KDM2B: variants seen among roughly 807,000 people sequenced by gnomAD.
The protein encoded by KDM2B is lysine-specific demethylase 2B.
A neutral mutation model predicts 150.0 loss-of-function variants in KDM2B; 26 were observed. The observed-to-expected ratio is 0.17, with a 90% CI of 0.13 to 0.24. The LOEUF is 0.24. KDM2B is among the 10% of genes least tolerant of loss of function. The probability of loss-of-function intolerance (pLI) is 1.00; values close to 1 mark genes in which losing one functional copy is unlikely to be tolerated. For missense variants in KDM2B, 1,265 were observed against 1,816.9 expected (o/e 0.70, Z 5.52); for synonymous variants, 734 against 729.5 (o/e 1.01, Z -0.10).
At chr12:121,445,744 G>A (rs1299966837) in intron 13 of KDM2B, among the ~76,000 whole-genome samples, 1 of 152,168 alleles carries the variant, frequency 6.6e-6, no homozygotes, top group Non-Finnish European at 1.5e-5. Context: ...AAAATTAGAG[G>A]GCTGGAGTGA....
At chr12:121,563,422 T>C (rs1456903852) in intron 4 of KDM2B, among the ~76,000 whole-genome samples, 15 of 135,456 alleles carry the variant, frequency 1.1e-4, no homozygotes, top group South Asian at 2.4e-4. Flanking sequence ...GCCTGGCCAA[T>C]ATGGTGAAAC....
At chr12:121,488,506 C>T (rs1883012308) in intron 12 of KDM2B, among the ~76,000 whole-genome samples, 1 of 152,192 alleles carries the variant, frequency 6.6e-6, no homozygotes, top group Non-Finnish European at 1.5e-5. Flanking sequence ...CAAGACAACA[C>T]AGCTAGTCAG....
chr12:121,456,003 C>A (rs1269304406), intron 12 of KDM2B, among the ~76,000 whole-genome samples: 4 of 152,252 alleles, frequency 2.6e-5, no homozygotes, highest in Non-Finnish European at 4.4e-5. Flanking sequence ...CGCGTGAGGG[C>A]AGGGATTCCC....
At chr12:121,461,503 G>A (rs1555293764) in intron 12 of KDM2B, among the ~76,000 whole-genome samples, 1 of 152,194 alleles carries the variant, frequency 6.6e-6, no homozygotes, top group Non-Finnish European at 1.5e-5. Flanking sequence ...AAGGAATGAA[G>A]AGGAGGGGAT....
At chr12:121,505,193 C>G (rs574291819) in intron 11 of KDM2B, among the ~76,000 whole-genome samples, 1 of 142,962 alleles carries the variant, frequency 7.0e-6, no homozygotes, top group Non-Finnish European at 1.5e-5. Context: ...GGCTGAGGCA[C>G]GAGAATCGCT....
intron 4 of KDM2B, among the ~76,000 whole-genome samples, chr12:121,552,691 A>C (rs1440242586): frequency 2.6e-5 from 4 of 151,136 alleles, no homozygotes; most frequent in Non-Finnish European, 5.9e-5. Flanking sequence ...AAAAAAAAAA[A>C]AAAGATTCCA....
chr12:121,426,284 G>A (rs1209754316), downstream of KDM2B, among the ~76,000 whole-genome samples: 1 of 152,178 alleles, frequency 6.6e-6, no homozygotes, highest in Non-Finnish European at 1.5e-5. Context: ...TTAGATAGTA[G>A]TTTGAAGTAA....
chr12:121,444,140 G>C lies in KDM2B; in HGVS notation c.2323C>G (p.Arg775Gly), dbSNP rs782635268. 2.5e-6 allele frequency: 4 copies of C among 1,612,666 alleles called. No homozygotes were observed. The highest frequency in any genetic ancestry group is 3.4e-6 in the Non-Finnish European group (4 of 1,180,036). The change falls in exon 16 of 23, where the codon CGG becomes GGG. Residue 775 changes from arginine to glycine, a missense_variant. By Grantham distance (125) the Arg-to-Gly change is moderately radical. Around this residue, in one of 11 missense-constraint regions of KDM2B, gnomAD observed 418 missense variants for 402.4 expected, o/e 1.04. Transcript: ENST00000377071. ...KRRSECEEAP[R>G]RRSDEHSKKV... Reference sequence around the variant, plus strand: ...TTCGAGTGCTCATCCGACCTGCGCCGGGGCGCCTCCTCACACTCACTCCTC... The same window carrying C: ...TTCGAGTGCTCATCCGACCTGCGCCCGGGCGCCTCCTCACACTCACTCCTC...
At chr12:121,463,676 G>A (rs1280035579) in intron 12 of KDM2B, among the ~76,000 whole-genome samples, 2 of 152,114 alleles carry the variant, frequency 1.3e-5, no homozygotes, top group Admixed American at 6.5e-5. Flanking sequence ...GAACTCCTGC[G>A]CTCAAGCAAT....
chr12:121,434,827 C>T (rs539796517), intron 22 of KDM2B, among the ~76,000 whole-genome samples: 18 of 152,126 alleles, frequency 1.2e-4, no homozygotes, highest in Admixed American at 4.6e-4. Flanking sequence ...TGTGGTGGCA[C>T]GTGCCTGTAG....
At chr12:121,572,728 G>A (rs1891192391) in intron 4 of KDM2B, among the ~76,000 whole-genome samples, 1 of 152,060 alleles carries the variant, frequency 6.6e-6, no homozygotes. Flanking sequence ...TGCAATCATG[G>A]CCTGCGGGCG....
chr12:121,581,234 C>T (rs1891948110), upstream of KDM2B: 2 of 263,964 alleles, frequency 7.6e-6, no homozygotes, highest in South Asian at 1.5e-4. Flanking sequence ...GATCTGGCGC[C>T]TCCTAACGCA....
intron 17 of KDM2B, chr12:121,443,388 A>G: frequency 1.7e-6 from 1 of 575,226 alleles, no homozygotes; most frequent in East Asian, 3.0e-5. Context: ...GCTGGGAGAG[A>G]CTCCTGGCGC....
chr12:121,469,617 CAA>C (rs76047421), intron 12 of KDM2B: 173 of 129,300 alleles, frequency 1.3e-3, no homozygotes, highest in Non-Finnish European at 1.1e-3. Context: ...GACTCCATCT[CAA>C]AAAAAAAAAA....
the KDM2B span, among the ~76,000 whole-genome samples, chr12:121,415,672 T>G: frequency 1.2e-4 from 18 of 152,054 alleles, no homozygotes; most frequent in Admixed American, 4.6e-4. Flanking sequence ...TGTTAAATAA[T>G]AGCTGAGAAA....
In KDM2B at chr12:121,494,662, C is replaced by T. The variant is rs1160540663; in HGVS notation, c.1651G>A (p.Val551Ile). ...TCATCATCTGCGTGCTCCTTCAGGA[C>T]GTTCTGTGGCCAAACAAAGCATCCA... ...PQALLEGVKN[V>I]LKEHADDDPS... is the part of the protein sequence containing the mutation. The change falls in exon 12 of 23, where the codon GTC (valine) becomes ATC (isoleucine). Residue 551 changes from valine to isoleucine, a missense_variant. Transcript: ENST00000377071. The T allele has an allele frequency of 2.5e-6, 4 of 1,609,388 alleles. No homozygotes were observed. The highest frequency in any genetic ancestry group is 3.4e-6 in the Non-Finnish European group (4 of 1,177,978).
At chr12:121,477,137 A>C (rs1400459533) in intron 12 of KDM2B, among the ~76,000 whole-genome samples, 2 of 152,228 alleles carry the variant, frequency 1.3e-5, no homozygotes, top group East Asian at 3.9e-4. Flanking sequence ...CAGTGGTGCC[A>C]ATGATAGCTG....
At chr12:121,548,271 A>T (rs1256948509) in intron 6 of KDM2B, among the ~76,000 whole-genome samples, 1 of 152,164 alleles carries the variant, frequency 6.6e-6, no homozygotes, top group Non-Finnish European at 1.5e-5. Flanking sequence ...TGTCTCAGAA[A>T]AAAATAAAAA....
At chr12:121,438,324 T>G (rs1177008845) in intron 22 of KDM2B, among the ~76,000 whole-genome samples, 3 of 151,550 alleles carry the variant, frequency 2.0e-5, no homozygotes, top group Non-Finnish European at 2.9e-5. Flanking sequence ...TTTATCATGC[T>G]GGAAAAACAA....
Sources: gnomAD v4.1 joint callset for allele counts (sites outside exome capture counted in the v4.1 genomes callset) on GRCh38, gnomAD v4.1.1 for gene constraint, gnomAD v4.1.1 regional missense constraint, MANE v1.5 for transcripts, NCBI Gene and HGNC (gene_info 2026-07-23, HGNC 2026-07-21) for gene names.